CHST11: variants seen among roughly 807,000 people sequenced by gnomAD.
CHST11 encodes C4S-1.
CHST11 carries 9 observed loss-of-function variants against 30.4 expected under a neutral mutation model. That is an observed-to-expected ratio of 0.30 (90% CI 0.18 to 0.52). The LOEUF is 0.52. CHST11 is among the 20% of genes least tolerant of loss of function. The pLI, the probability that CHST11 is intolerant of heterozygous loss-of-function variation, is 0.97. For synonymous variants in CHST11, 152 were observed against 187.8 expected (o/e 0.81, Z 1.56); for missense variants, 348 against 460.6 (o/e 0.76, Z 2.24).
At chr12:104,696,482 C>CAAAAAAAAAAAAAAAAAAAAA in intron 2 of CHST11, among the ~76,000 whole-genome samples, 1 of 69,140 alleles carries the variant, frequency 1.4e-5, no homozygotes, top group Non-Finnish European at 2.5e-5. Flanking sequence ...GCTAAAAATA[C>CAAAAAAAAAAAAAAAAAAAAA]AAAAAAAAAA....
chr12:104,694,373 T>C (rs1592842984), intron 2 of CHST11, among the ~76,000 whole-genome samples: 1 of 152,194 alleles, frequency 6.6e-6, no homozygotes, highest in Admixed American at 6.5e-5. Context: ...TTCTCATTCC[T>C]CTTACTCAGC....
At chr12:104,532,474 C>G (rs2038195086) in intron 1 of CHST11, among the ~76,000 whole-genome samples, 2 of 152,180 alleles carry the variant, frequency 1.3e-5, no homozygotes, top group Admixed American at 6.5e-5. Flanking sequence ...TACCAAGGAA[C>G]AGTCCGATGC....
chr12:104,459,912 T>C (rs2037390966), intron 1 of CHST11, among the ~76,000 whole-genome samples: 2 of 152,272 alleles, frequency 1.3e-5, no homozygotes, highest in African/African-American at 4.8e-5. Context: ...GATAGTTCAG[T>C]TGAAAGGCCT....
chr12:104,707,801 C>T (rs536424057), intron 2 of CHST11, among the ~76,000 whole-genome samples: 6 of 152,188 alleles, frequency 3.9e-5, no homozygotes, highest in Admixed American at 1.3e-4. Context: ...ACAACGAGGA[C>T]ACATAGACAC....
intron 1 of CHST11, among the ~76,000 whole-genome samples, chr12:104,570,280 G>A (rs2038610720): frequency 6.6e-6 from 1 of 152,002 alleles, no homozygotes; most frequent in South Asian, 2.1e-4. Flanking sequence ...TGTTCTTGTT[G>A]TATATGAGAA....
intron 2 of CHST11, among the ~76,000 whole-genome samples, chr12:104,640,944 C>A (rs1455402710): frequency 1.3e-5 from 2 of 152,158 alleles, no homozygotes; most frequent in Non-Finnish European, 2.9e-5. Flanking sequence ...TGCCCCGACC[C>A]CCATCCTGTG....
At chr12:104,712,195 ACTCCTATT>A (rs1340879915) in intron 2 of CHST11, among the ~76,000 whole-genome samples, 1 of 151,948 alleles carries the variant, frequency 6.6e-6, no homozygotes, top group Non-Finnish European at 1.5e-5. Flanking sequence ...GGGTACTGTT[ACTCCTATT>A]CCCATTTGAC....
chr12:104,731,628 G>A (rs760947364), intron 2 of CHST11, among the ~76,000 whole-genome samples: 16 of 152,022 alleles, frequency 1.1e-4, no homozygotes, highest in African/African-American at 2.4e-4. Flanking sequence ...TCGGGACCAC[G>A]GACTCAGCCT....
Position 104,494,885 on chromosome 12 carries a change from AT to A in CHST11, c.118+37357del, listed in dbSNP as rs374880421. Among the ~76,000 whole-genome samples, 146 of 152,294 alleles carry A rather than the reference AT, an allele frequency of 9.6e-4. 2 individuals carry two copies. Among genetic ancestry groups the A allele is most frequent in the African/African-American group, 3.3e-3 (136 of 41,576 alleles). Reference sequence around the variant, plus strand: ...AGAGTACGGGTCAGCAGTGGTAAGTATATTCATACTGTTGTGCAACAGATCT... The same window carrying A: ...AGAGTACGGGTCAGCAGTGGTAAGTAATTCATACTGTTGTGCAACAGATCT... On this transcript the variant is annotated intron_variant, in intron 1 of 2. Transcript: ENST00000303694.
At chr12:104,475,681 T>TATATA (rs1252339468) in intron 1 of CHST11, among the ~76,000 whole-genome samples, 1 of 124,456 alleles carries the variant, frequency 8.0e-6, no homozygotes, top group African/African-American at 2.8e-5. Context: ...TATATATATA[T>TATATA]ATATATATAT....
chr12:104,499,571 AATAG>A (rs1442022275), intron 1 of CHST11, among the ~76,000 whole-genome samples: 2 of 152,216 alleles, frequency 1.3e-5, no homozygotes, highest in Non-Finnish European at 2.9e-5. Flanking sequence ...TGCTTTGATA[AATAG>A]ATACAAATTC....
chr12:104,559,743 C>A (rs924969297), intron 1 of CHST11, among the ~76,000 whole-genome samples: 3 of 151,340 alleles, frequency 2.0e-5, no homozygotes, highest in Non-Finnish European at 4.4e-5. Context: ...AACTCCATCT[C>A]AAAAAAATAA....
At chr12:104,622,611 A>T (rs2039170929) in intron 2 of CHST11, among the ~76,000 whole-genome samples, 1 of 152,164 alleles carries the variant, frequency 6.6e-6, no homozygotes, top group Non-Finnish European at 1.5e-5. Flanking sequence ...GCTAAACCTG[A>T]ACGTCGAGCC....
At chr12:104,575,210 G>A (rs2038672173) in intron 1 of CHST11, among the ~76,000 whole-genome samples, 1 of 151,958 alleles carries the variant, frequency 6.6e-6, no homozygotes, top group South Asian at 2.1e-4. Flanking sequence ...AAAAAAGAGT[G>A]TAGGACCACA....
chr12:104,696,104 C>T (rs2039942114), intron 2 of CHST11, among the ~76,000 whole-genome samples: 2 of 152,094 alleles, frequency 1.3e-5, no homozygotes, highest in South Asian at 4.1e-4. Context: ...TATGTTAACT[C>T]GCCATCTGCA....
At chr12:104,630,560 G>A (rs2039260814) in intron 2 of CHST11, among the ~76,000 whole-genome samples, 1 of 152,196 alleles carries the variant, frequency 6.6e-6, no homozygotes, top group Non-Finnish European at 1.5e-5. Flanking sequence ...GAAGACACCA[G>A]AGAATATCAA....
chr12:104,721,611 TG>T (rs1330822439), intron 2 of CHST11, among the ~76,000 whole-genome samples: 1 of 152,142 alleles, frequency 6.6e-6, no homozygotes, highest in Non-Finnish European at 1.5e-5. Flanking sequence ...GTGCTCAAAA[TG>T]GGGTGTGACT....
intron 1 of CHST11, among the ~76,000 whole-genome samples, chr12:104,468,524 G>T (rs929854792): frequency 6.6e-6 from 1 of 152,150 alleles, no homozygotes; most frequent in Non-Finnish European, 1.5e-5. Flanking sequence ...TCTCATTTGG[G>T]CATTACTCTT....
chr12:104,616,023 G>A (rs187916921), intron 2 of CHST11, among the ~76,000 whole-genome samples: 1 of 152,318 alleles, frequency 6.6e-6, no homozygotes, highest in East Asian at 1.9e-4. Context: ...TCAGAAAGGT[G>A]TCTGGCACCA....
Sources: allele counts gnomAD v4.1 joint callset (sites outside exome capture counted in the v4.1 genomes callset), GRCh38; gene constraint gnomAD v4.1.1; transcripts MANE v1.5; gene names NCBI Gene and HGNC (gene_info 2026-07-23, HGNC 2026-07-21).